RBFOX1: variants seen among roughly 807,000 people sequenced by gnomAD.
RBFOX1 encodes RNA binding protein fox-1 homolog 1.
In RBFOX1, 8 loss-of-function variants were observed where a neutral mutation model predicts 57.7. The ratio of observed to expected loss-of-function variants is 0.14; its 90% confidence interval spans 0.08 to 0.25. RBFOX1 has a LOEUF of 0.25. RBFOX1 is among the 10% of genes least tolerant of loss of function. The pLI, the probability that RBFOX1 is intolerant of heterozygous loss-of-function variation, is 1.00. For missense variants in RBFOX1, 611 were observed against 548.5 expected, an observed-to-expected ratio of 1.11 and a Z score of -1.14; for synonymous variants, 326 against 222.4, an observed-to-expected ratio of 1.47 and a Z score of -4.15.
At chr16:6,999,227 T>TTTTTTTTTTAGAGA (rs2092572164) in intron 3 of RBFOX1, among the ~76,000 whole-genome samples, 1 of 138,026 alleles carries the variant, frequency 7.2e-6, no homozygotes, top group African/African-American at 2.6e-5. Context: ...TTTTTTTTAT[T>TTTTTTTTTTAGAGA]TATTTTTTTT....
intron 3 of RBFOX1, among the ~76,000 whole-genome samples, chr16:7,039,480 T>C (rs73541044): frequency 0.048 from 7,365 of 152,270 alleles, 586 homozygotes; most frequent in African/African-American, 0.17. Context: ...AGTTCATTAA[T>C]CATGGCTGAC....
intron 1 of RBFOX1, among the ~76,000 whole-genome samples, chr16:6,028,153 A>G (rs1245507858): frequency 6.6e-6 from 1 of 152,102 alleles, no homozygotes; most frequent in East Asian, 1.9e-4. Flanking sequence ...TGTCCATGGC[A>G]TGGCTCACTT....
At chr16:5,499,083 G>T (rs926214289) in intron 2 of RBFOX1, among the ~76,000 whole-genome samples, 2 of 152,154 alleles carry the variant, frequency 1.3e-5, no homozygotes, top group East Asian at 3.9e-4. Context: ...ATGCTTGCTG[G>T]CCAGGCCGGC....
chr16:6,420,966 C>A (rs575338773), intron 2 of RBFOX1, among the ~76,000 whole-genome samples: 1 of 152,284 alleles, frequency 6.6e-6, no homozygotes, highest in East Asian at 1.9e-4. Context: ...GCTCTTTCTT[C>A]CAATGGCCCC....
At chr16:5,733,620 C>T (rs2052462554) in intron 3 of RBFOX1, among the ~76,000 whole-genome samples, 1 of 152,162 alleles carries the variant, frequency 6.6e-6, no homozygotes, top group South Asian at 2.1e-4. Flanking sequence ...CAAGGTGCCT[C>T]ATGATGTTAC....
At chr16:6,730,868 A>C (rs895005487) in intron 3 of RBFOX1, among the ~76,000 whole-genome samples, 4 of 152,186 alleles carry the variant, frequency 2.6e-5, no homozygotes, top group Non-Finnish European at 5.9e-5. Context: ...CCCAGACCCC[A>C]CCCTGCTTCC....
At chr16:6,425,318 G>A (rs977028605) in intron 2 of RBFOX1, among the ~76,000 whole-genome samples, 3 of 152,146 alleles carry the variant, frequency 2.0e-5, no homozygotes, top group Admixed American at 6.5e-5. Context: ...TAAGCTGAAG[G>A]AGGAATACTC....
chr16:7,094,567 C>T (rs1054184359), intron 4 of RBFOX1, among the ~76,000 whole-genome samples: 2 of 151,720 alleles, frequency 1.3e-5, no homozygotes, highest in African/African-American at 4.8e-5. Flanking sequence ...ACTGTCAAAT[C>T]CTGTGTATTG....
intron 1 of RBFOX1, among the ~76,000 whole-genome samples, chr16:5,389,351 G>A (rs1409258121): frequency 6.6e-6 from 1 of 152,120 alleles, no homozygotes; most frequent in Non-Finnish European, 1.5e-5. Flanking sequence ...ATGGACGTTT[G>A]GGGCTGGATC....
rs1254441770 is a variant in RBFOX1 at position 6,226,291 on chromosome 16, T to G, written c.-126-90704T>G. Among the ~76,000 whole-genome samples the G allele has an allele frequency of 7.0e-5, 10 of 142,506 alleles. No individual in the cohort carries two copies. In the East Asian group the frequency reaches 2.1e-3, roughly 30 times the overall value. 93.5% of individuals were successfully genotyped at this position (142,506 alleles called of 152,430 possible). On this transcript the variant is annotated intron_variant, in intron 1 of 15. Coordinates refer to ENST00000550418, the MANE Select transcript of RBFOX1 (RefSeq NM_018723.4). Reference sequence around the variant, plus strand: ...GGGAGGCTGAGGCAGGAGAATCACTTGAACCCGGGAGGTGGAGGTTGCAGT... The same window carrying G: ...GGGAGGCTGAGGCAGGAGAATCACTGGAACCCGGGAGGTGGAGGTTGCAGT...
chr16:5,358,536 C>T (rs958052690), intron 1 of RBFOX1, among the ~76,000 whole-genome samples: 3 of 152,114 alleles, frequency 2.0e-5, no homozygotes, highest in African/African-American at 7.2e-5. Context: ...AAACATTTAT[C>T]CTTTGTGTTG....
intron 2 of RBFOX1, among the ~76,000 whole-genome samples, chr16:6,318,469 A>T (rs1331364973): frequency 6.6e-6 from 1 of 152,126 alleles, no homozygotes. Context: ...TTTCTCATAG[A>T]TGCCTTTGTT....
intron 2 of RBFOX1, among the ~76,000 whole-genome samples, chr16:6,569,035 A>AG (rs1335876477): frequency 6.6e-6 from 1 of 152,256 alleles, no homozygotes; most frequent in East Asian, 1.9e-4. Context: ...AGCCTCCCAC[A>AG]ATACTGGGAT....
At chr16:5,301,618 C>CAAAAAAAAAAA (rs60501583) in intron 1 of RBFOX1, among the ~76,000 whole-genome samples, 3 of 87,046 alleles carry the variant, frequency 3.4e-5, no homozygotes, top group African/African-American at 4.6e-5. Context: ...GTCTCCATCT[C>CAAAAAAAAAAA]AAAAAAAAAA....
At chr16:5,843,550 A>C (rs903926104) in intron 3 of RBFOX1, among the ~76,000 whole-genome samples, 1 of 152,150 alleles carries the variant, frequency 6.6e-6, no homozygotes, top group Non-Finnish European at 1.5e-5. Flanking sequence ...CTACTCTGCC[A>C]TTAATGGGCA....
chr16:6,216,798 C>T (rs1360151965), intron 1 of RBFOX1, among the ~76,000 whole-genome samples: 1 of 152,096 alleles, frequency 6.6e-6, no homozygotes, highest in Admixed American at 6.6e-5. Context: ...CACGTATATG[C>T]CTCCGAATGA....
chr16:6,617,351 A>G (rs919611763), intron 2 of RBFOX1, among the ~76,000 whole-genome samples: 6 of 152,222 alleles, frequency 3.9e-5, no homozygotes, highest in African/African-American at 1.4e-4. Flanking sequence ...CTTAACCTAT[A>G]CAGCAGAGAC....
intron 1 of RBFOX1, among the ~76,000 whole-genome samples, chr16:5,324,973 C>T (rs759636467): frequency 1.3e-5 from 2 of 152,190 alleles, no homozygotes. Flanking sequence ...GGCAGGTGTT[C>T]CCAGATCTAT....
At chr16:6,941,315 C>A (rs986484923) in intron 3 of RBFOX1, among the ~76,000 whole-genome samples, 50 of 111,702 alleles carry the variant, frequency 4.5e-4, no homozygotes, top group Non-Finnish European at 7.4e-4. Flanking sequence ...TCCTTCCTTC[C>A]TTCCTTCCTT....
Sources: allele counts gnomAD v4.1 joint callset (sites outside exome capture counted in the v4.1 genomes callset), GRCh38; gene constraint gnomAD v4.1.1; transcripts MANE v1.5; gene names NCBI Gene and HGNC (gene_info 2026-07-23, HGNC 2026-07-21).